CSF2RA: variants seen among roughly 807,000 people sequenced by gnomAD.
CSF2RA encodes colony stimulating factor 2 receptor subunit alpha, also known as granulocyte-macrophage colony-stimulating factor receptor subunit alpha.
In CSF2RA, 42 loss-of-function variants were observed where a neutral mutation model predicts 51.6. That is an observed-to-expected ratio of 0.81 (90% CI 0.64 to 1.05). The LOEUF (loss-of-function observed/expected upper bound fraction) is 1.05, where lower values mean the gene tolerates loss of function less well. Ranked by LOEUF, CSF2RA falls within the 50% of genes least tolerant of loss-of-function variation. The pLI, the probability that CSF2RA is intolerant of heterozygous loss-of-function variation, is 0.00. For synonymous variants in CSF2RA, 222 were observed against 193.0 expected (o/e 1.15, Z -1.24); for missense variants, 530 against 501.1 (o/e 1.06, Z -0.55).
chrX:1,303,963 G>A lies in CSF2RA; in HGVS notation c.987G>A (p.Val329=). The change falls in exon 11 of 13, where the codon GTG becomes GTA. Residue 329 remains valine, a synonymous_variant. Coordinates refer to ENST00000381529, the MANE Select transcript of CSF2RA (RefSeq NM_172245.4). ...DGNLGSVYIY[V]LLIVGTLVCG... is the part of the protein sequence containing the mutation. ...ACCTCGGCTCTGTGTACATTTATGT[G>A]CTCCTAATCGTGGGAACCCTTGTCT... 1 of 1,613,410 alleles carries A rather than the reference G, an allele frequency of 6.2e-7. No homozygotes were observed. Among genetic ancestry groups the A allele is most frequent in the Non-Finnish European group, 8.5e-7 (1 of 1,179,802 alleles).
At chrX:1,325,060 C>G in the CSF2RA span, among the ~76,000 whole-genome samples, 1 of 151,762 alleles carries the variant, frequency 6.6e-6, no homozygotes, top group Non-Finnish European at 1.5e-5. Flanking sequence ...GTGCCCCGTC[C>G]TGAGTTGAAA....
At chrX:1,271,628 T>C (rs1409716586) in intron 1 of CSF2RA, among the ~76,000 whole-genome samples, 3 of 152,230 alleles carry the variant, frequency 2.0e-5, no homozygotes, top group Non-Finnish European at 4.4e-5. Flanking sequence ...GTGATTCTCC[T>C]GCCTCAGCCT....
At chrX:1,277,190 C>T (rs762161385) in intron 2 of CSF2RA, among the ~76,000 whole-genome samples, 2 of 152,154 alleles carry the variant, frequency 1.3e-5, no homozygotes, top group South Asian at 4.2e-4. Flanking sequence ...TCATTATAAC[C>T]CCTTCCTACC....
At position 1,282,733 on chromosome X, in the gene CSF2RA, CTG is replaced by C; in HGVS notation, c.33_34del (p.Cys11Ter). MLLLVTSLLL[C>X]ELPHPAFLLI... ...TTCTCCTGGTGACAAGCCTTCTGCT[CTG>C]TGAGTTACCACACCCAGCATTCCTC... On this transcript the variant is annotated frameshift_variant, in exon 3 of 13. Coordinates refer to ENST00000381529, the MANE Select transcript of CSF2RA (RefSeq NM_172245.4). LOFTEE classifies it high-confidence loss of function. 1 of 1,613,910 alleles carries C rather than the reference CTG, an allele frequency of 6.2e-7. No homozygotes were observed. The highest frequency in any genetic ancestry group is 8.5e-7 in the Non-Finnish European group (1 of 1,179,820).
At chrX:1,286,104 C>G (rs1366044740) in intron 4 of CSF2RA, among the ~76,000 whole-genome samples, 184 bp downstream of exon 4, 1 of 151,916 alleles carries the variant, frequency 6.6e-6, no homozygotes, top group Non-Finnish European at 1.5e-5. Context: ...GAAACCCCGT[C>G]TCTACTACAA....
chrX:1,282,493 C>A, intron 2 of CSF2RA, 185 bp from the exon 3 acceptor site: 1 of 651,438 alleles, frequency 1.5e-6, no homozygotes, highest in South Asian at 1.7e-5. Flanking sequence ...ACGTCCTAAT[C>A]CCATGTGGGA....
intron 10 of CSF2RA, chrX:1,303,125 T>C (rs1315227181): frequency 4.6e-5 from 12 of 260,866 alleles, no homozygotes; most frequent in African/African-American, 1.6e-4. Context: ...TGGCACGATC[T>C]TGGCTCACTG....
chrX:1,303,625 G>C (rs1324782361), intron 10 of CSF2RA, among the ~76,000 whole-genome samples: 1 of 151,608 alleles, frequency 6.6e-6, no homozygotes, highest in African/African-American at 2.4e-5. Context: ...ATCCTCCCGT[G>C]TCGGCCTCCC....
At chrX:1,296,676 C>T (rs1204143264) in intron 9 of CSF2RA, among the ~76,000 whole-genome samples, 2 of 42,610 alleles carry the variant, frequency 4.7e-5, no homozygotes. Context: ...AGTCTCCTAC[C>T]CATGACCCCT....
chrX:1,323,349 G>C, the CSF2RA span, among the ~76,000 whole-genome samples: 1 of 151,182 alleles, frequency 6.6e-6, no homozygotes, highest in Non-Finnish European at 1.5e-5. Flanking sequence ...CCCCGTCTCA[G>C]GGTGAGCCAC....
intron 12 of CSF2RA, among the ~76,000 whole-genome samples, chrX:1,307,487 T>G (rs1363103855): frequency 1.3e-5 from 2 of 151,316 alleles, no homozygotes; most frequent in African/African-American, 4.9e-5. Flanking sequence ...GACTTTCAAC[T>G]GATTAAATGA....
chrX:1,292,219 T>A (rs2091475122), intron 7 of CSF2RA, among the ~76,000 whole-genome samples: 1 of 152,008 alleles, frequency 6.6e-6, no homozygotes. Flanking sequence ...GAGGTGTCCC[T>A]ACTCCACATT....
downstream of CSF2RA, chrX:1,310,264 C>G (rs2084104184): frequency 6.4e-6 from 1 of 155,798 alleles, no homozygotes; most frequent in African/African-American, 2.4e-5. Flanking sequence ...AACCCAACTA[C>G]TGAGGTACTG....
downstream of CSF2RA, among the ~76,000 whole-genome samples, chrX:1,313,150 C>A (rs372020621): frequency 1.2e-4 from 19 of 152,178 alleles, no homozygotes; most frequent in African/African-American, 4.6e-4. Context: ...AGAGGCCGGG[C>A]GTGGTAGCCA....
chrX:1,322,985 C>T, the CSF2RA span, among the ~76,000 whole-genome samples: 4,600 of 151,290 alleles, frequency 0.03, 232 homozygotes, highest in African/African-American at 0.099. Flanking sequence ...AAAAATTAGC[C>T]GGGCGTGGTG....
chrX:1,311,629 A>G (rs185498813), downstream of CSF2RA, among the ~76,000 whole-genome samples: 1 of 151,998 alleles, frequency 6.6e-6, no homozygotes, highest in African/African-American at 2.4e-5. Flanking sequence ...GTGTTTTAGT[A>G]GAGACAGGGT....
chrX:1,322,945 C>T, the CSF2RA span, among the ~76,000 whole-genome samples: 4 of 150,532 alleles, frequency 2.7e-5, no homozygotes, highest in South Asian at 2.1e-4. Flanking sequence ...CTGGCTGACA[C>T]GGTGAAACCT....
intron 12 of CSF2RA, among the ~76,000 whole-genome samples, chrX:1,309,185 G>T (rs188160573): frequency 2.8e-4 from 42 of 152,194 alleles, no homozygotes; most frequent in African/African-American, 7.9e-4. Context: ...TGTGGTGGCG[G>T]GCGCCTGTAA....
At chrX:1,271,403 A>ACG (rs2088399939) in intron 1 of CSF2RA, among the ~76,000 whole-genome samples, 1 of 136,920 alleles carries the variant, frequency 7.3e-6, no homozygotes, top group Non-Finnish European at 1.5e-5. Context: ...GCAGTGGTGC[A>ACG]ATCTCCGCTC....
Sources: gnomAD v4.1 joint callset for allele counts (sites outside exome capture counted in the v4.1 genomes callset) on GRCh38, gnomAD v4.1.1 for gene constraint, MANE v1.5 for transcripts, NCBI Gene and HGNC (gene_info 2026-07-23, HGNC 2026-07-21) for gene names.